The following ADARB2 variants were observed in gnomAD, a reference collection of about 807,000 sequenced individuals.
ADARB2 encodes inactive double-stranded RNA-specific editase B2.
Under a neutral mutation model 62.2 loss-of-function variants are expected in ADARB2, and 25 were observed. The ratio of observed to expected loss-of-function variants is 0.40; its 90% CI spans 0.29 to 0.56. ADARB2 has a LOEUF of 0.56. ADARB2 is among the 20% of genes least tolerant of loss of function. The pLI is 0.43. For missense variants in ADARB2, 1,071 were observed against 1,077.4 expected (o/e 0.99, Z 0.08); for synonymous variants, 572 against 500.8 (o/e 1.14, Z -1.90).
intron 1 of ADARB2, among the ~76,000 whole-genome samples, chr10:1,516,614 G>A (rs1832012534): frequency 1.3e-5 from 2 of 152,110 alleles, no homozygotes; most frequent in Admixed American, 1.3e-4. Flanking sequence ...GATTTCCTGC[G>A]GCAATGCCCT....
At chr10:1,222,352 C>T (rs1221444190) in intron 6 of ADARB2, among the ~76,000 whole-genome samples, 1 of 152,036 alleles carries the variant, frequency 6.6e-6, no homozygotes, top group African/African-American at 2.4e-5. Context: ...AAATTTTCTC[C>T]CATTTTGTAG....
intron 3 of ADARB2, among the ~76,000 whole-genome samples, chr10:1,274,467 T>C (rs1831295264): frequency 6.6e-6 from 1 of 152,218 alleles, no homozygotes; most frequent in Admixed American, 6.5e-5. Flanking sequence ...TCTTTGTTTT[T>C]TTTTTAGGAT....
intron 1 of ADARB2, among the ~76,000 whole-genome samples, chr10:1,620,082 GA>G (rs1335470181): frequency 6.6e-6 from 1 of 152,054 alleles, no homozygotes; most frequent in Non-Finnish European, 1.5e-5. Context: ...ACCTATATCA[GA>G]AAGAAAGGAA....
intron 2 of ADARB2, among the ~76,000 whole-genome samples, chr10:1,376,932 G>A (rs1832434796): frequency 6.8e-6 from 1 of 147,774 alleles, no homozygotes; most frequent in African/African-American, 2.5e-5. Context: ...GTGTGCTCCT[G>A]GGGTGTGTGT....
intron 1 of ADARB2, among the ~76,000 whole-genome samples, chr10:1,688,840 G>C (rs944320951): frequency 1.3e-5 from 2 of 152,150 alleles, no homozygotes; most frequent in African/African-American, 4.8e-5. Context: ...TTCTACTTCT[G>C]TTACCTAAGC....
Position 1,404,073 on chromosome 10 carries a change from G to T in ADARB2, c.101-24913C>A, listed in dbSNP as rs531974922. Among the ~76,000 whole-genome samples, 19 of 152,382 alleles carry T rather than the reference G, an allele frequency of 1.2e-4. No homozygotes were observed. In the South Asian group the frequency reaches 3.3e-3, roughly 27 times the overall value. ...GTGCAGGGGCTTCTGTGTCCCCACA[G>T]CTGGAAAGCTCTAGGCCAACAAAGA... On this transcript the variant is annotated intron_variant, in intron 1 of 9. Coordinates refer to ENST00000381312, the MANE Select transcript of ADARB2 (RefSeq NM_018702.4).
intron 1 of ADARB2, among the ~76,000 whole-genome samples, chr10:1,574,433 A>C (rs1338961149): frequency 6.6e-6 from 1 of 152,188 alleles, no homozygotes; most frequent in Non-Finnish European, 1.5e-5. Flanking sequence ...TAGAAGTGGC[A>C]CAAGTCTTCT....
intron 1 of ADARB2, among the ~76,000 whole-genome samples, chr10:1,610,540 C>T (rs1226863813): frequency 6.6e-6 from 1 of 152,170 alleles, no homozygotes; most frequent in Admixed American, 6.5e-5. Flanking sequence ...GATGTGGGGT[C>T]GGGACAGGTG....
intron 6 of ADARB2, among the ~76,000 whole-genome samples, chr10:1,229,046 C>T (rs1414280140): frequency 6.6e-6 from 1 of 152,138 alleles, no homozygotes; most frequent in Admixed American, 6.5e-5. Context: ...GGCCTGGGAC[C>T]CTGATAGATA....
At chr10:1,318,921 T>G (rs746055573) in intron 3 of ADARB2, among the ~76,000 whole-genome samples, 37 of 152,306 alleles carry the variant, frequency 2.4e-4, no homozygotes, top group Non-Finnish European at 5.0e-4. Context: ...CCAGGGTAGA[T>G]GGACCGTGCT....
In ADARB2 at chr10:1,505,382, G is replaced by GTT. The variant is rs202238668; in HGVS notation, c.101-126224_101-126223dup. Reference sequence around the variant, plus strand: ...ACCTGCAAGGGATCGGAGGGTTTTTGTTTTTTTTTTTTTTGCAACAAATAA... The same window carrying GTT: ...ACCTGCAAGGGATCGGAGGGTTTTTGTTTTTTTTTTTTTTTTGCAACAAATAA... On this transcript the variant is annotated intron_variant, in intron 1 of 9. Coordinates refer to ENST00000381312, the MANE Select transcript of ADARB2 (RefSeq NM_018702.4). Among the ~76,000 whole-genome samples the GTT allele has an allele frequency of 1.2e-3, 163 of 138,604 alleles. 1 individual carries two copies. In the South Asian group the frequency reaches 0.02, roughly 17 times the overall value. 90.9% of individuals were successfully genotyped at this position (138,604 alleles called of 152,430 possible). A position where few individuals can be genotyped will look rare whatever the true frequency, so the allele number is the denominator to read the frequency against.
At chr10:1,292,602 GC>G (rs1244403708) in intron 3 of ADARB2, 1 of 152,126 alleles carries the variant, frequency 6.6e-6, no homozygotes, top group Non-Finnish European at 1.5e-5. Flanking sequence ...AAGTTCTGTC[GC>G]CATGAAATCT....
intron 1 of ADARB2, among the ~76,000 whole-genome samples, chr10:1,726,520 G>A (rs1238977826): frequency 6.6e-6 from 1 of 152,120 alleles, no homozygotes; most frequent in Non-Finnish European, 1.5e-5. Context: ...TCTGTAAATC[G>A]TGTGAGACAG....
intron 6 of ADARB2, among the ~76,000 whole-genome samples, chr10:1,230,176 G>C (rs918334781): frequency 3.3e-5 from 5 of 152,154 alleles, no homozygotes; most frequent in Non-Finnish European, 5.9e-5. Flanking sequence ...TGCACTCTGC[G>C]GCCTCTGCAT....
rs140334686 is a variant in ADARB2, at chr10:1,375,992, C to T, written c.187+3082G>A. Among the ~76,000 whole-genome samples, 723 of 151,638 alleles carry T rather than the reference C, an allele frequency of 4.8e-3. 7 individuals are homozygous for T. Among genetic ancestry groups the T allele is most frequent in the African/African-American group, 0.016 (663 of 41,310 alleles). ...ACATGTGCACACACACGCACACACA[C>T]GCACATGACACATATACACGTGAAC... On this transcript the variant is annotated intron_variant, in intron 2 of 9. Coordinates refer to ENST00000381312, the MANE Select transcript of ADARB2 (RefSeq NM_018702.4).
chr10:1,334,218 C>A lies in ADARB2; in HGVS notation c.1077+28810G>T, dbSNP rs545154179. The stretch of plus-strand genomic sequence containing the variant: ...GGCCTAGGTGAGTGTTTAGTAATCT[C>A]CAGAAAGTGGAATAATTAATTTGTT... On this transcript the variant is annotated intron_variant, in intron 3 of 9. Transcript: ENST00000381312. Among the ~76,000 whole-genome samples the A allele has an allele frequency of 2.5e-4, 38 of 152,222 alleles. 1 individual carries two copies. Among genetic ancestry groups the A allele is most frequent in the African/African-American group, 8.4e-4 (35 of 41,532 alleles).
chr10:1,375,996 CAT>C (rs1436670322), intron 2 of ADARB2, among the ~76,000 whole-genome samples: 2 of 151,874 alleles, frequency 1.3e-5, no homozygotes, highest in Non-Finnish European at 2.9e-5. Context: ...CACACACGCA[CAT>C]GACACATATA....
intron 1 of ADARB2, among the ~76,000 whole-genome samples, chr10:1,407,378 G>A (rs1832716190): frequency 6.6e-6 from 1 of 152,230 alleles, no homozygotes; most frequent in African/African-American, 2.4e-5. Context: ...TGCTACTCCT[G>A]AAGAGGGTAC....
At chr10:1,680,426 G>A (rs1834521713) in intron 1 of ADARB2, among the ~76,000 whole-genome samples, 1 of 151,990 alleles carries the variant, frequency 6.6e-6, no homozygotes, top group Non-Finnish European at 1.5e-5. Context: ...GCAGTACAGT[G>A]TCCTCCGTAA....
Sources: allele counts gnomAD v4.1 joint callset (sites outside exome capture counted in the v4.1 genomes callset), GRCh38; gene constraint gnomAD v4.1.1; transcripts MANE v1.5; gene names NCBI Gene and HGNC (gene_info 2026-07-23, HGNC 2026-07-21).